NEK10: variants seen among roughly 807,000 people sequenced by gnomAD.
The protein encoded by NEK10 is NIMA related kinase 10, also known as serine/threonine-protein kinase Nek10.
In NEK10, 122 loss-of-function variants were observed where a neutral mutation model predicts 159.8. The observed-to-expected ratio is 0.76, with a 90% CI of 0.66 to 0.89. The LOEUF is 0.89. Ranked by LOEUF, NEK10 falls within the 40% of genes least tolerant of loss-of-function variation. NEK10 has a pLI of 0.00. For synonymous variants in NEK10, 466 were observed against 457.1 expected (o/e 1.02, Z -0.25); for missense variants, 1,342 against 1,323.1 (o/e 1.01, Z -0.22).
At chr3:27,250,003 C>G (rs1955485509) in intron 23 of NEK10, among the ~76,000 whole-genome samples, 1 of 152,002 alleles carries the variant, frequency 6.6e-6, no homozygotes, top group Admixed American at 6.6e-5. Flanking sequence ...AACATAAAAA[C>G]TGTATACTTT....
chr3:27,246,480 C>G (rs1309046539), intron 23 of NEK10, among the ~76,000 whole-genome samples: 1 of 152,040 alleles, frequency 6.6e-6, no homozygotes, highest in East Asian at 1.9e-4. Context: ...TATTTTGACA[C>G]AGGCATGCAA....
chr3:27,254,261 C>T (rs1955951326), intron 23 of NEK10, among the ~76,000 whole-genome samples: 1 of 152,018 alleles, frequency 6.6e-6, no homozygotes, highest in Non-Finnish European at 1.5e-5. Flanking sequence ...ACAATTTTTC[C>T]TCTTCCAATG....
At chr3:27,204,555 C>T (rs1950358892) in intron 23 of NEK10, among the ~76,000 whole-genome samples, 1 of 129,448 alleles carries the variant, frequency 7.7e-6, no homozygotes, top group African/African-American at 2.9e-5. Flanking sequence ...TGAGAATATG[C>T]AGTGTTTGGT....
chr3:27,259,817 C>T (rs540709181), intron 22 of NEK10, among the ~76,000 whole-genome samples: 118 of 152,184 alleles, frequency 7.8e-4, no homozygotes, highest in African/African-American at 2.3e-3. Flanking sequence ...GGCAGTATGG[C>T]CATTTTCACA....
chr3:27,355,978 C>T (rs1456285657), intron 1 of NEK10, among the ~76,000 whole-genome samples: 1 of 152,172 alleles, frequency 6.6e-6, no homozygotes, highest in Non-Finnish European at 1.5e-5. Flanking sequence ...AAGGTAGGAC[C>T]TTTGAGAGAT....
At chr3:27,265,187 C>T (rs1203906377) in intron 22 of NEK10, among the ~76,000 whole-genome samples, 1 of 152,098 alleles carries the variant, frequency 6.6e-6, no homozygotes, top group African/African-American at 2.4e-5. Context: ...AAAACATGTC[C>T]ACCATTCTCA....
chr3:27,107,135 T>C lies in NEK10; in HGVS notation c.*4137A>G, dbSNP rs1195424029. On this transcript the variant is annotated 3_prime_UTR_variant, in exon 36 of 36. Transcript: ENST00000691995. ...CATACATGCAATAAAGCATCTAGTA[T>C]ACCTCACATAGCAAGTATGCAGCTG... is the stretch of plus-strand genomic sequence containing the variant. Among the ~76,000 whole-genome samples, 1 of 152,174 alleles carries C rather than the reference T, an allele frequency of 6.6e-6. No homozygotes were observed. Among genetic ancestry groups the C allele is most frequent in the Non-Finnish European group, 1.5e-5 (1 of 68,038 alleles).
intron 23 of NEK10, among the ~76,000 whole-genome samples, chr3:27,254,118 G>T (rs1183441450): frequency 2.0e-5 from 3 of 152,054 alleles, no homozygotes; most frequent in Admixed American, 2.0e-4. Flanking sequence ...TCCAACCCCC[G>T]GCCCACGGAC....
At chr3:27,206,794 T>C (rs1481550647) in intron 23 of NEK10, 1 of 200,812 alleles carries the variant, frequency 5.0e-6, no homozygotes, top group African/African-American at 2.4e-5. Flanking sequence ...ACAATGTTTA[T>C]TTTCTTGAAT....
chr3:27,351,036 G>A (rs796937080), intron 3 of NEK10, among the ~76,000 whole-genome samples: 38 of 152,156 alleles, frequency 2.5e-4, no homozygotes, highest in African/African-American at 8.9e-4. Context: ...AATAAGACAC[G>A]TAAACAAGAG....
chr3:27,249,915 G>A (rs1205098551), intron 23 of NEK10, among the ~76,000 whole-genome samples: 1 of 152,038 alleles, frequency 6.6e-6, no homozygotes, highest in Non-Finnish European at 1.5e-5. Context: ...AGGTTACCAT[G>A]AAACTTGCAA....
intron 23 of NEK10, among the ~76,000 whole-genome samples, chr3:27,245,376 A>G (rs750938142): frequency 3.3e-5 from 5 of 152,140 alleles, no homozygotes; most frequent in Admixed American, 1.3e-4. Flanking sequence ...ATGTGCTTTG[A>G]CCAACAGAAT....
At chr3:27,365,324 G>A (rs536578198) in intron 1 of NEK10, among the ~76,000 whole-genome samples, 1 of 152,144 alleles carries the variant, frequency 6.6e-6, no homozygotes, top group East Asian at 1.9e-4. Context: ...GTAGACATGA[G>A]CCAGTCAATT....
chr3:27,368,318 C>CATAT (rs559358172), intron 1 of NEK10, among the ~76,000 whole-genome samples: 24 of 142,068 alleles, frequency 1.7e-4, no homozygotes, highest in South Asian at 4.3e-4. Flanking sequence ...AGAAGGACTC[C>CATAT]ATATATATAT....
chr3:27,343,042 T>G (rs1459062048), intron 5 of NEK10, among the ~76,000 whole-genome samples: 1 of 152,186 alleles, frequency 6.6e-6, no homozygotes, highest in Non-Finnish European at 1.5e-5. Context: ...CTTGTATAAC[T>G]GAACAGTGAC....
chr3:27,128,071 G>C (rs536568150), intron 32 of NEK10, among the ~76,000 whole-genome samples: 1 of 152,106 alleles, frequency 6.6e-6, no homozygotes. Context: ...AACTTTTCCC[G>C]TAAAGGATCA....
At chr3:27,121,379 G>T (rs9839288) in intron 32 of NEK10, among the ~76,000 whole-genome samples, 26,298 of 152,046 alleles carry the variant, frequency 0.17, 2,340 homozygotes, top group African/African-American at 0.19. Context: ...GATATGGTTT[G>T]GCTGTGTCCT....
chr3:27,233,247 T>A (rs934842120), intron 23 of NEK10, among the ~76,000 whole-genome samples: 4 of 151,990 alleles, frequency 2.6e-5, no homozygotes, highest in Non-Finnish European at 5.9e-5. Context: ...GAATAGACAG[T>A]TCTTAAAAGA....
At position 27,246,840 on chromosome 3, in the gene NEK10, G is replaced by A. The variant is rs1955119645; in HGVS notation, c.2090+9456C>T. 2.0e-5 allele frequency among the ~76,000 whole-genome samples: 3 copies of A among 151,834 alleles called. No individual in the cohort carries two copies. In the South Asian group the frequency reaches 6.2e-4, roughly 32 times the overall value. The stretch of plus-strand genomic sequence containing the variant: ...ACTTCTTCGGTTAAGTTAATTCCTA[G>A]GTATTTTACTTTATTTGTAGCTCTC... On this transcript the variant is annotated intron_variant, in intron 23 of 35. Transcript: ENST00000691995.
Sources: gnomAD v4.1 joint callset for allele counts (sites outside exome capture counted in the v4.1 genomes callset) on GRCh38, gnomAD v4.1.1 for gene constraint, MANE v1.5 for transcripts, NCBI Gene and HGNC (gene_info 2026-07-23, HGNC 2026-07-21) for gene names.